The following TUB variants were observed in gnomAD, a reference collection of about 807,000 sequenced individuals.
The protein encoded by TUB is tubby protein homolog.
A neutral mutation model predicts 59.7 loss-of-function variants in TUB; 33 were observed. The ratio of observed to expected loss-of-function variants is 0.55; its 90% CI spans 0.42 to 0.74. The LOEUF is 0.74. TUB is among the 30% of genes least tolerant of loss of function. The pLI is 0.00. For missense variants in TUB, 659 were observed against 672.0 expected (o/e 0.98, Z 0.21); for synonymous variants, 293 against 256.4 (o/e 1.14, Z -1.36).
intron 2 of TUB, chr11:8,039,829 G>A (rs568247744): frequency 1.7e-6 from 1 of 584,616 alleles, no homozygotes; most frequent in Non-Finnish European, 2.7e-6. Flanking sequence ...TGTGTGAAAT[G>A]GGGTTTAGGG....
At chr11:8,023,817 C>A (rs1346023210) in intron 1 of TUB, among the ~76,000 whole-genome samples, 2 of 152,180 alleles carry the variant, frequency 1.3e-5, no homozygotes, top group African/African-American at 4.8e-5. Context: ...ATCATGAAGT[C>A]CATTTTTTTC....
chr11:8,079,715 T>A (rs1196528810), upstream of TUB, among the ~76,000 whole-genome samples: 1 of 151,410 alleles, frequency 6.6e-6, no homozygotes, highest in Non-Finnish European at 1.5e-5. Context: ...TGTGTAGGGG[T>A]GTGTGTGTGT....
chr11:8,097,175 T>C (rs1469799179), intron 6 of TUB, 53 bp from the exon 7 acceptor site: 2 of 1,595,242 alleles, frequency 1.3e-6, no homozygotes, highest in African/African-American at 1.3e-5. Context: ...AGACCACCAA[T>C]TTGGGCTGCT....
At chr11:8,020,909 A>C (rs967535720) in intron 1 of TUB, among the ~76,000 whole-genome samples, 6 of 152,240 alleles carry the variant, frequency 3.9e-5, no homozygotes, top group African/African-American at 1.4e-4. Context: ...TAAGGCGATA[A>C]AAAGATAGAA....
At chr11:8,042,589 T>C (rs1018175305) in intron 2 of TUB, among the ~76,000 whole-genome samples, 1 of 152,210 alleles carries the variant, frequency 6.6e-6, no homozygotes, top group Non-Finnish European at 1.5e-5. Context: ...GTCTCAGTTT[T>C]TTCATATTCT....
At chr11:8,048,951 C>G (rs909653790) in intron 2 of TUB, among the ~76,000 whole-genome samples, 7 of 152,176 alleles carry the variant, frequency 4.6e-5, no homozygotes, top group Admixed American at 2.0e-4. Context: ...ATTCGTAATT[C>G]TGTCAAAGAG....
intron 11 of TUB, 88 bp from the exon 12 acceptor site, chr11:8,101,398 C>T: frequency 1.3e-6 from 2 of 1,520,404 alleles, no homozygotes; most frequent in Non-Finnish European, 1.8e-6. Context: ...GTTCTTCCCT[C>T]ATGTGGTTTG....
chr11:8,038,533 C>T (rs1341217363), upstream of TUB: 19 of 943,272 alleles, frequency 2.0e-5, no homozygotes, highest in Non-Finnish European at 2.5e-5. Flanking sequence ...TTGTCTCTGC[C>T]TGGGTTGCTA....
At chr11:8,027,135 T>G (rs1033234240) in intron 1 of TUB, among the ~76,000 whole-genome samples, 2 of 152,250 alleles carry the variant, frequency 1.3e-5, no homozygotes, top group South Asian at 2.1e-4. Flanking sequence ...AAATGAGCTA[T>G]TTCAATGATT....
At chr11:8,081,613 C>A in intron 1 of TUB, 65 bp downstream of exon 1, 1 of 1,439,898 alleles carries the variant, frequency 6.9e-7, no homozygotes, top group East Asian at 2.8e-5. Context: ...GCTGGGGATA[C>A]GCGGCCGGGG....
Position 8,100,463 on chromosome 11 carries a change from T to C in TUB, c.1117-40T>C, listed in dbSNP as rs201940066. On this transcript the variant is annotated intron_variant, in intron 9 of 11. Coordinates refer to ENST00000299506, the MANE Select transcript of TUB (RefSeq NM_177972.3). The stretch of plus-strand genomic sequence containing the variant: ...CCCCCCACCTTCTCCAGTAGGTAAA[T>C]AGACGCCTCAGGTGGCCAGTGTTGC... 234 of 1,537,548 alleles carry C rather than the reference T, an allele frequency of 1.5e-4. 2 individuals carry two copies. The Admixed American group carries it at 2.7e-3, about 18-fold the overall frequency.
At position 8,105,456 on chromosome 11, in the gene TUB, A is replaced by C. The variant is rs949136804; in HGVS notation, c.*3837A>C. ...GGAATTTTCAGTCATCTCATGATAC[A>C]GGCGGGAGGGGCAGAACAGATAGAT... On this transcript the variant is annotated 3_prime_UTR_variant, in exon 12 of 12. Coordinates refer to ENST00000299506, the MANE Select transcript of TUB (RefSeq NM_177972.3). 7.0e-6 allele frequency: 1 copy of C among 142,238 alleles called. No individual in the cohort carries two copies. Among genetic ancestry groups the C allele is most frequent in the Admixed American group, 7.4e-5 (1 of 13,576 alleles). The allele number at this position is 142,238 out of a possible 1,614,324, so 8.8% of individuals were successfully genotyped here. A position where few individuals can be genotyped will look rare whatever the true frequency, so the allele number is the denominator to read the frequency against.
chr11:8,059,780 A>G (rs1943087263), intron 2 of TUB, among the ~76,000 whole-genome samples: 1 of 152,142 alleles, frequency 6.6e-6, no homozygotes, highest in African/African-American at 2.4e-5. Context: ...GGAGCAGTGG[A>G]AAGAGCCTTG....
At chr11:8,081,868 TCA>T (rs1253849902) in intron 1 of TUB, among the ~76,000 whole-genome samples, 1 of 152,200 alleles carries the variant, frequency 6.6e-6, no homozygotes, top group Admixed American at 6.5e-5. Flanking sequence ...AGAACCCCAG[TCA>T]CACGCCTGTG....
chr11:8,072,600 A>T (rs1271428842), intron 2 of TUB, among the ~76,000 whole-genome samples: 4 of 152,128 alleles, frequency 2.6e-5, no homozygotes, highest in Non-Finnish European at 4.4e-5. Context: ...ATGTTGTCCC[A>T]TCTCCGTGGT....
chr11:8,072,705 A>C (rs1367163416), intron 2 of TUB, among the ~76,000 whole-genome samples: 2 of 152,198 alleles, frequency 1.3e-5, no homozygotes, highest in Non-Finnish European at 1.5e-5. Flanking sequence ...CGTTGTCTCC[A>C]ATCAACAGAT....
chr11:8,024,559 T>C (rs1190710512), intron 1 of TUB, among the ~76,000 whole-genome samples: 1 of 152,164 alleles, frequency 6.6e-6, no homozygotes, highest in Non-Finnish European at 1.5e-5. Context: ...TGTCACGTCC[T>C]GACTCCACTT....
At chr11:8,090,686 C>T (rs1468435926) in intron 3 of TUB, among the ~76,000 whole-genome samples, 1 of 152,194 alleles carries the variant, frequency 6.6e-6, no homozygotes, top group African/African-American at 2.4e-5. Flanking sequence ...TTCTGACTTG[C>T]AGATCCCTCT....
chr11:8,081,299 T>TTCGCCCATCTCGCC lies in TUB; in HGVS notation c.-206_-193dup. The TTCGCCCATCTCGCC allele has an allele frequency of 1.1e-6, 1 of 898,954 alleles. No individual in the cohort carries two copies. Among genetic ancestry groups the TTCGCCCATCTCGCC allele is most frequent in the Non-Finnish European group, 1.3e-6 (1 of 751,142 alleles). The allele number at this position is 898,954 out of a possible 1,614,324, so 55.7% of individuals were successfully genotyped here. On this transcript the variant is annotated 5_prime_UTR_variant, in exon 1 of 12. Transcript: ENST00000299506. ...CGCACGACCCGCGCACTCCCGGAGC[T>TTCGCCCATCTCGCC]TCGCCCATCTCGCCTCGCCGCGCCG...
Sources: allele counts gnomAD v4.1 joint callset (sites outside exome capture counted in the v4.1 genomes callset), GRCh38; gene constraint gnomAD v4.1.1; transcripts MANE v1.5; gene names NCBI Gene and HGNC (gene_info 2026-07-23, HGNC 2026-07-21).